The following MAP7D2 variants were observed in gnomAD, a reference collection of about 807,000 sequenced individuals.
The protein encoded by MAP7D2 is MAP7 domain containing 2.
Under a neutral mutation model 63.5 loss-of-function variants are expected in MAP7D2, and 33 were observed. The observed-to-expected ratio is 0.52, with a 90% CI of 0.39 to 0.70. The LOEUF (loss-of-function observed/expected upper bound fraction) is 0.70, where lower values mean the gene tolerates loss of function less well. Among genes scored for constraint, MAP7D2 ranks in the 30% least tolerant of loss-of-function variants. The probability of loss-of-function intolerance (pLI) is 0.00; values close to 1 mark genes in which losing one functional copy is unlikely to be tolerated. For missense variants in MAP7D2, 626 were observed against 604.0 expected (o/e 1.04, Z -0.38); for synonymous variants, 224 against 223.7 (o/e 1.00, Z -0.01).
chrX:20,076,776 T>G (rs1249419824), intron 1 of MAP7D2, among the ~76,000 whole-genome samples: 1 of 112,117 alleles, frequency 8.9e-6, no homozygotes, highest in Non-Finnish European at 1.9e-5. Flanking sequence ...GGGAACTACT[T>G]TAAGACTATA....
At chrX:20,060,766 A>T (rs1434036555) in intron 3 of MAP7D2, among the ~76,000 whole-genome samples, 1 of 110,163 alleles carries the variant, frequency 9.1e-6, no homozygotes, top group African/African-American at 3.3e-5. Context: ...CAGTAGAACC[A>T]CCCCACCCCT....
intron 5 of MAP7D2, among the ~76,000 whole-genome samples, chrX:20,051,556 C>CA (rs199664149): frequency 0.013 from 1,283 of 102,491 alleles, 4 homozygotes; most frequent in Middle Eastern, 0.015. Flanking sequence ...AAAAAAAAAA[C>CA]AAACAAAAAA....
Position 20,008,320 on chromosome X carries a change from G to A in MAP7D2, c.*105C>T, listed in dbSNP as rs986204038. The A allele has an allele frequency of 3.6e-5, 4 of 112,022 alleles. No individual in the cohort carries two copies. Among genetic ancestry groups the A allele is most frequent in the Non-Finnish European group, 7.5e-5 (4 of 53,217 alleles). The allele number at this position is 112,022 out of a possible 1,213,427, so 9.2% of individuals were successfully genotyped here. ...CCGAGCTAATAATTTGGGATCCAGCGGTAAGGGTGACAGAAGCTTCTTCAA... is the reference window on the plus strand; with the variant it reads ...CCGAGCTAATAATTTGGGATCCAGCAGTAAGGGTGACAGAAGCTTCTTCAA... On this transcript the variant is annotated 3_prime_UTR_variant, in exon 17 of 17. Coordinates refer to ENST00000379643, the MANE Select transcript of MAP7D2 (RefSeq NM_001168465.2).
At chrX:20,013,478 C>T (rs1249559549) in intron 13 of MAP7D2, 91 bp downstream of exon 13, 23 of 829,745 alleles carry the variant, frequency 2.8e-5, no homozygotes, top group African/African-American at 6.1e-5. Context: ...TCTGGCTAAT[C>T]GTCGCCAAGA....
rs747252840 is a variant in MAP7D2, at chrX:20,013,578, T to G, written c.1797A>C (p.Pro599=). ...MKRTRKSDVS[P]QVKKEDPKVG... is the part of the protein sequence containing the mutation. ...TCATTTGAATTCCTACCTTCACTTG[T>G]GGAGACACATCACTTTTCCTTGTTC... Residue 599 remains proline (P), a synonymous_variant, in exon 13 of 17, where the codon CCA becomes CCC. Coordinates refer to ENST00000379643, the MANE Select transcript of MAP7D2 (RefSeq NM_001168465.2). 1.3e-5 allele frequency: 16 copies of G among 1,197,153 alleles called. No individual in the cohort carries two copies. Among genetic ancestry groups the G allele is most frequent in the Non-Finnish European group, 1.8e-5 (16 of 885,958 alleles).
chrX:20,094,487 CAT>C (rs1216874865), intron 1 of MAP7D2, among the ~76,000 whole-genome samples: 3,607 of 14,810 alleles, frequency 0.24, 511 homozygotes, highest in East Asian at 0.48. Flanking sequence ...AAAATACATA[CAT>C]ATATATATAT....
intron 8 of MAP7D2, among the ~76,000 whole-genome samples, chrX:20,039,037 C>T (rs1008937108): frequency 3.9e-4 from 44 of 112,325 alleles, no homozygotes; most frequent in African/African-American, 1.2e-3. Flanking sequence ...TAAAAGACAA[C>T]GACCTGCTGA....
chrX:20,108,961 T>C (rs918236526), intron 1 of MAP7D2, among the ~76,000 whole-genome samples: 13 of 110,319 alleles, frequency 1.2e-4, no homozygotes, highest in African/African-American at 4.0e-4. Flanking sequence ...CCTGGTAAAC[T>C]AGGAAATTCC....
At chrX:20,012,233 T>C in intron 15 of MAP7D2, 116 bp downstream of exon 15, 1 of 539,079 alleles carries the variant, frequency 1.9e-6, no homozygotes, top group Non-Finnish European at 2.9e-6. Flanking sequence ...TTTCCTGTAA[T>C]GTCAATCAAA....
At chrX:20,009,140 G>GAA (rs760232425) in intron 16 of MAP7D2, among the ~76,000 whole-genome samples, 125 of 111,408 alleles carry the variant, frequency 1.1e-3, no homozygotes, top group African/African-American at 3.7e-3. Context: ...CACACACCAA[G>GAA]AACCAAGAGA....
chrX:20,033,495 T>C (rs1372202527), intron 8 of MAP7D2, among the ~76,000 whole-genome samples: 1 of 111,963 alleles, frequency 8.9e-6, no homozygotes, highest in Non-Finnish European at 1.9e-5. Flanking sequence ...TTGTTGAATC[T>C]AGTTTTCTAA....
intron 16 of MAP7D2, among the ~76,000 whole-genome samples, 189 bp from the exon 17 acceptor site, chrX:20,008,587 G>T (rs937812258): frequency 5.4e-5 from 6 of 111,920 alleles, no homozygotes; most frequent in African/African-American, 1.9e-4. Flanking sequence ...TTTTACATAG[G>T]ACTATTCTTT....
intron 16 of MAP7D2, among the ~76,000 whole-genome samples, chrX:20,009,389 C>T (rs1196621408): frequency 2.7e-5 from 3 of 111,587 alleles, no homozygotes; most frequent in Non-Finnish European, 3.8e-5. Flanking sequence ...AATGGCCGGG[C>T]GCGGTGGCTC....
intron 1 of MAP7D2, among the ~76,000 whole-genome samples, chrX:20,068,202 T>C (rs2065408060): frequency 8.9e-6 from 1 of 112,374 alleles, no homozygotes; most frequent in African/African-American, 3.2e-5. Context: ...TATTTAAATT[T>C]CATATCAAAA....
intron 10 of MAP7D2, among the ~76,000 whole-genome samples, chrX:20,016,661 T>A (rs899596915): frequency 8.9e-6 from 1 of 112,463 alleles, no homozygotes; most frequent in African/African-American, 3.2e-5. Context: ...TCTTATTGAA[T>A]GACAATTCTT....
chrX:20,098,164 C>T (rs1476188809), intron 1 of MAP7D2, among the ~76,000 whole-genome samples: 3 of 111,812 alleles, frequency 2.7e-5, no homozygotes, highest in African/African-American at 9.8e-5. Context: ...CAAGACACTG[C>T]ACTACAAACA....
intron 1 of MAP7D2, among the ~76,000 whole-genome samples, chrX:20,110,528 G>A (rs190119367): frequency 9.3e-6 from 1 of 107,697 alleles, no homozygotes; most frequent in East Asian, 2.9e-4. Context: ...CAGACATAGA[G>A]GTATATGCCT....
intron 1 of MAP7D2, among the ~76,000 whole-genome samples, chrX:20,095,031 C>T (rs2066218765): frequency 9.3e-6 from 1 of 107,854 alleles, no homozygotes; most frequent in Admixed American, 1.0e-4. Context: ...CAAGATCATA[C>T]CACTGCATTC....
chrX:20,055,059 T>C (rs1295342161), intron 4 of MAP7D2, among the ~76,000 whole-genome samples: 1 of 103,532 alleles, frequency 9.7e-6, no homozygotes, highest in Non-Finnish European at 1.9e-5. Context: ...TTGGTAAATA[T>C]TGCATCCCTT....
Sources: allele counts gnomAD v4.1 joint callset (sites outside exome capture counted in the v4.1 genomes callset), GRCh38; gene constraint gnomAD v4.1.1; transcripts MANE v1.5; gene names NCBI Gene and HGNC (gene_info 2026-07-23, HGNC 2026-07-21).